Variants in ZNF273 observed in about 807,000 individuals in gnomAD.
The protein encoded by ZNF273 is zinc finger protein 9.
In ZNF273, 11 loss-of-function variants were observed where a neutral mutation model predicts 14.9. The ratio of observed to expected loss-of-function variants is 0.74; its 90% CI spans 0.46 to 1.22. The LOEUF is 1.22. ZNF273 is among the 50% of genes most tolerant of loss of function. ZNF273 has a pLI of 0.00. For missense variants in ZNF273, 577 were observed against 660.6 expected (o/e 0.87, Z 1.39); for synonymous variants, 199 against 223.9 (o/e 0.89, Z 0.99).
chr7:64,914,182 A>ATTTTTTTT (rs375695781), intron 1 of ZNF273, among the ~76,000 whole-genome samples: 1 of 70,890 alleles, frequency 1.4e-5, no homozygotes, highest in African/African-American at 6.6e-5. Context: ...TAATTTTTGT[A>ATTTTTTTT]TTTTTTTTTT....
At chr7:64,901,021 T>G (rs1189034261), upstream of ZNF273, among the ~76,000 whole-genome samples, 1 of 150,268 alleles carries the variant, frequency 6.7e-6, no homozygotes, top group African/African-American at 2.5e-5. Flanking sequence ...TTTTTTTTTG[T>G]AGAGAGAGTC....
intron 3 of ZNF273, among the ~76,000 whole-genome samples, chr7:64,920,476 C>G (rs1794347988): frequency 6.6e-6 from 1 of 151,306 alleles, no homozygotes; most frequent in South Asian, 2.1e-4. Context: ...AGCCCAAGGT[C>G]TGCAGGTCTG....
Position 64,930,363 on chromosome 7 carries a change from TGA to T in ZNF273, c.*1326_*1327del, listed in dbSNP as rs1241935970. ...CTTGTGGTTAACTGATAATATTGAG[TGA>T]TGCATGAGGTAGGTGTTCAGAGTAA... On this transcript the variant is annotated 3_prime_UTR_variant, in exon 4 of 4. Coordinates refer to ENST00000476120, the MANE Select transcript of ZNF273 (RefSeq NM_021148.3). 7.2e-5 allele frequency: 11 copies of T among 152,142 alleles called. No homozygotes were observed. Among genetic ancestry groups the T allele is most frequent in the Non-Finnish European group, 1.2e-4 (8 of 68,018 alleles). The allele number at this position is 152,142 out of a possible 1,614,324, so 9.4% of individuals were successfully genotyped here. A position where few individuals can be genotyped will look rare whatever the true frequency, so the allele number is the denominator to read the frequency against.
At chr7:64,907,867 G>T (rs1793228996) in intron 1 of ZNF273, among the ~76,000 whole-genome samples, 1 of 152,016 alleles carries the variant, frequency 6.6e-6, no homozygotes, top group African/African-American at 2.4e-5. Context: ...CAACTTAGAG[G>T]AAATGAGCTG....
At chr7:64,914,860 T>C (rs970976068) in intron 1 of ZNF273, among the ~76,000 whole-genome samples, 3 of 136,462 alleles carry the variant, frequency 2.2e-5, no homozygotes, top group Non-Finnish European at 4.8e-5. Flanking sequence ...AGGTGTGTAA[T>C]TAGTCCAGAG....
At chr7:64,908,302 A>G (rs1164045177) in intron 1 of ZNF273, among the ~76,000 whole-genome samples, 1 of 152,216 alleles carries the variant, frequency 6.6e-6, no homozygotes, top group Non-Finnish European at 1.5e-5. Flanking sequence ...TTATATACAT[A>G]AAATTGTGTT....
At chr7:64,899,798 T>C (rs1487146424), upstream of ZNF273, among the ~76,000 whole-genome samples, 1 of 151,762 alleles carries the variant, frequency 6.6e-6, no homozygotes, top group African/African-American at 2.4e-5. Flanking sequence ...TTTGCTCTTG[T>C]TGCCCGGGCT....
At chr7:64,923,463 TC>T in intron 3 of ZNF273, 1 of 433,182 alleles carries the variant, frequency 2.3e-6, no homozygotes, top group Non-Finnish European at 4.5e-6. Context: ...TGCCTCAGCC[TC>T]CCGAGTAGCT....
chr7:64,886,736 A>C (rs976783995), intron 1 of ZNF273, among the ~76,000 whole-genome samples: 1 of 152,226 alleles, frequency 6.6e-6, no homozygotes, highest in African/African-American at 2.4e-5. Flanking sequence ...TCAACGCGAA[A>C]GGAACTCACA....
chr7:64,927,950 T>C lies in ZNF273; in HGVS notation c.622T>C (p.Cys208Arg), dbSNP rs543559432. 2.5e-6 allele frequency: 4 copies of C among 1,613,758 alleles called. No homozygotes were observed. The highest frequency in any genetic ancestry group is 3.3e-5 in the Admixed American group (2 of 59,976). ...KRQTGKKPFK[C>R]KECGKSCCIL... ...ACAAACTGGAAAGAAACCTTTCAAA[T>C]GTAAAGAATGTGGCAAATCATGTTG... Residue 208 changes from cysteine (C) to arginine (R), a missense_variant, in exon 4 of 4, where the codon TGT becomes CGT. Transcript: ENST00000476120.
downstream of ZNF273, chr7:64,880,016 A>G (rs1021623523): frequency 6.6e-6 from 1 of 152,250 alleles, no homozygotes; most frequent in Non-Finnish European, 1.5e-5. Context: ...AAACTGCCTC[A>G]TGCATGCACC....
At chr7:64,920,198 T>C (rs543574929) in intron 3 of ZNF273, among the ~76,000 whole-genome samples, 5 of 152,342 alleles carry the variant, frequency 3.3e-5, no homozygotes, top group Non-Finnish European at 7.3e-5. Flanking sequence ...TACAAGGAGC[T>C]TGGGTAGTTG....
intron 1 of ZNF273, 31 bp downstream of exon 1, chr7:64,903,450 A>AG: frequency 6.3e-7 from 1 of 1,585,864 alleles, no homozygotes; most frequent in Non-Finnish European, 8.7e-7. Flanking sequence ...ATCCCGAGAG[A>AG]GGGGGAGGGC....
intron 3 of ZNF273, among the ~76,000 whole-genome samples, chr7:64,927,371 A>T (rs1240983693): frequency 6.6e-6 from 1 of 150,574 alleles, no homozygotes; most frequent in Non-Finnish European, 1.5e-5. Flanking sequence ...TACAGGCATG[A>T]GCCACTGCAC....
upstream of ZNF273, among the ~76,000 whole-genome samples, chr7:64,899,702 A>T (rs7798270): frequency 0.41 from 61,845 of 151,182 alleles, 12,920 homozygotes; most frequent in South Asian, 0.45. Flanking sequence ...AAAGTTCAGT[A>T]TTGTAGTACA....
chr7:64,919,962 A>G (rs1794307596), intron 3 of ZNF273, among the ~76,000 whole-genome samples: 1 of 151,996 alleles, frequency 6.6e-6, no homozygotes, highest in Admixed American at 6.6e-5. Context: ...CTATGTTAAA[A>G]TAGAAGCAAT....
intron 1 of ZNF273, among the ~76,000 whole-genome samples, chr7:64,916,739 T>G (rs1794027519): frequency 6.6e-6 from 1 of 152,102 alleles, no homozygotes; most frequent in Non-Finnish European, 1.5e-5. Flanking sequence ...CTGTCCTGGT[T>G]CAGTTGATGT....
chr7:64,912,549 C>T (rs978897723), intron 1 of ZNF273, among the ~76,000 whole-genome samples: 8 of 152,018 alleles, frequency 5.3e-5, no homozygotes, highest in African/African-American at 1.7e-4. Context: ...CAAGGCTACT[C>T]CTTAGATGCC....
At chr7:64,923,686 A>G (rs1484584040) in intron 3 of ZNF273, 3 of 208,660 alleles carry the variant, frequency 1.4e-5, no homozygotes, top group East Asian at 3.1e-4. Flanking sequence ...TGATTTGGTG[A>G]CAGAAATTTG....
Sources: gnomAD v4.1 joint callset for allele counts (sites outside exome capture counted in the v4.1 genomes callset) on GRCh38, gnomAD v4.1.1 for gene constraint, MANE v1.5 for transcripts, NCBI Gene and HGNC (gene_info 2026-07-23, HGNC 2026-07-21) for gene names.